The following PHEX variants were observed in gnomAD, a reference collection of about 807,000 sequenced individuals.
The protein encoded by PHEX is phosphate-regulating neutral endopeptidase PHEX.
In PHEX, 16 loss-of-function variants were observed where a neutral mutation model predicts 68.0. The ratio of observed to expected loss-of-function variants is 0.24; its 90% CI spans 0.16 to 0.36. The LOEUF (loss-of-function observed/expected upper bound fraction) is 0.36, where lower values mean the gene tolerates loss of function less well. Among genes scored for constraint, PHEX ranks in the 10% least tolerant of loss-of-function variants. The probability of loss-of-function intolerance (pLI) is 1.00; values close to 1 mark genes in which losing one functional copy is unlikely to be tolerated. For missense variants in PHEX, 480 were observed against 575.5 expected (o/e 0.83, Z 1.70); for synonymous variants, 208 against 205.1 (o/e 1.01, Z -0.12).
intron 2 of PHEX, among the ~76,000 whole-genome samples, chrX:22,038,957 C>A (rs1256357883): frequency 3.6e-5 from 4 of 111,847 alleles, no homozygotes; most frequent in African/African-American, 9.8e-5. Flanking sequence ...ATCCACGCTT[C>A]CATTGTCAGT....
chrX:22,145,159 C>T (rs1374579507), intron 12 of PHEX, among the ~76,000 whole-genome samples: 1 of 111,915 alleles, frequency 8.9e-6, no homozygotes, highest in East Asian at 2.8e-4. Flanking sequence ...CAGCCTGATC[C>T]TTTCATTTGA....
intron 12 of PHEX, among the ~76,000 whole-genome samples, chrX:22,142,957 AT>A (rs1249273314): frequency 3.6e-5 from 4 of 112,582 alleles, no homozygotes; most frequent in Non-Finnish European, 7.5e-5. Context: ...AGATTATATC[AT>A]TCTGTGAAAA....
intron 3 of PHEX, among the ~76,000 whole-genome samples, chrX:22,074,732 A>G (rs138845168): frequency 1.4e-4 from 16 of 110,493 alleles, no homozygotes; most frequent in African/African-American, 5.3e-4. Flanking sequence ...ATATGTGGAT[A>G]TGGCTTTAGA....
intron 18 of PHEX, among the ~76,000 whole-genome samples, chrX:22,223,132 C>A (rs1346185798): frequency 1.8e-5 from 2 of 112,077 alleles, no homozygotes; most frequent in Non-Finnish European, 3.8e-5. Flanking sequence ...AAAACAGCTT[C>A]AGTTTCATTC....
intron 12 of PHEX, among the ~76,000 whole-genome samples, chrX:22,145,841 A>G (rs985753312): frequency 1.7e-4 from 19 of 112,301 alleles, no homozygotes; most frequent in African/African-American, 2.9e-4. Flanking sequence ...ACTCTGACAT[A>G]TAGTTTATAC....
intron 15 of PHEX, 124 bp downstream of exon 15, chrX:22,190,626 G>A (rs1309446098): frequency 1.6e-5 from 9 of 562,461 alleles, no homozygotes; most frequent in Non-Finnish European, 2.5e-5. Context: ...GCTGGTGAAG[G>A]AAGGTTGTTC....
At chrX:22,200,157 CAGA>C (rs373200017) in intron 15 of PHEX, among the ~76,000 whole-genome samples, 2 of 112,206 alleles carry the variant, frequency 1.8e-5, no homozygotes, top group Admixed American at 9.4e-5. Context: ...GCTCATTTTA[CAGA>C]AGAAGAAACT....
intron 20 of PHEX, among the ~76,000 whole-genome samples, chrX:22,240,917 G>A (rs999474406): frequency 8.9e-6 from 1 of 111,752 alleles, no homozygotes; most frequent in Non-Finnish European, 1.9e-5. Flanking sequence ...TGGACCAAGT[G>A]GACCTAACAG....
intron 2 of PHEX, among the ~76,000 whole-genome samples, chrX:22,039,672 G>A (rs778928850): frequency 1.8e-5 from 2 of 112,091 alleles, no homozygotes; most frequent in Non-Finnish European, 3.8e-5. Flanking sequence ...GCTCAGAGCC[G>A]GTACTAGTTT....
At chrX:22,069,331 A>T (rs752418338) in intron 3 of PHEX, among the ~76,000 whole-genome samples, 1 of 112,318 alleles carries the variant, frequency 8.9e-6, no homozygotes, top group African/African-American at 3.2e-5. Context: ...TTGTAATGCT[A>T]TGCTATCAAA....
intron 9 of PHEX, among the ~76,000 whole-genome samples, chrX:22,107,227 C>G (rs1389075527): frequency 8.9e-6 from 1 of 112,163 alleles, no homozygotes; most frequent in Non-Finnish European, 1.9e-5. Context: ...GCCCCTGCTT[C>G]TCAAACCCCA....
At chrX:22,174,583 A>G (rs1289374517) in intron 13 of PHEX, among the ~76,000 whole-genome samples, 3 of 112,151 alleles carry the variant, frequency 2.7e-5, no homozygotes, top group African/African-American at 6.5e-5. Flanking sequence ...CCAAGAACAT[A>G]TCTGAATTTT....
At chrX:22,151,007 G>A (rs959884224) in intron 12 of PHEX, among the ~76,000 whole-genome samples, 2 of 111,843 alleles carry the variant, frequency 1.8e-5, no homozygotes, top group African/African-American at 3.3e-5. Flanking sequence ...AGAGGCAGAG[G>A]GTGGCTTCAG....
chrX:22,033,063 C>A lies in PHEX; in HGVS notation c.58C>A (p.Arg20=). The A allele has an allele frequency of 1.7e-6, 2 of 1,210,143 alleles. No homozygotes were observed. The highest frequency in any genetic ancestry group is 2.2e-6 in the Non-Finnish European group (2 of 894,647). Residue 20 remains arginine, a synonymous_variant, in exon 1 of 22, where the codon CGA becomes AGA. Transcript: ENST00000379374. The stretch of plus-strand genomic sequence containing the variant: ...TGGAAAGAAGGCCAACAGAGGCACT[C>A]GAATTGCCCTGGTCGTGTTTGTCGG... The part of the protein sequence containing the change: ...ETGKKANRGT[R]IALVVFVGGT...
chrX:22,097,374 G>A (rs187710883), intron 8 of PHEX, among the ~76,000 whole-genome samples: 1 of 112,323 alleles, frequency 8.9e-6, no homozygotes, highest in Admixed American at 9.4e-5. Context: ...ACTGTGTTTA[G>A]TGTGTTGGCT....
intron 9 of PHEX, among the ~76,000 whole-genome samples, chrX:22,110,038 A>T (rs898609195): frequency 8.9e-6 from 1 of 112,185 alleles, no homozygotes; most frequent in Admixed American, 9.5e-5. Context: ...TAGTAAGTAT[A>T]GAATGAGGGT....
At chrX:22,232,830 C>T (rs1253605450) in intron 20 of PHEX, among the ~76,000 whole-genome samples, 1 of 109,221 alleles carries the variant, frequency 9.2e-6, no homozygotes, top group East Asian at 2.9e-4. Flanking sequence ...TGAATTTGAT[C>T]CCGTCATTAT....
intron 16 of PHEX, among the ~76,000 whole-genome samples, chrX:22,217,341 G>A (rs1227407832): frequency 3.6e-5 from 4 of 112,087 alleles, no homozygotes; most frequent in Non-Finnish European, 7.5e-5. Context: ...AAAACAGTAG[G>A]AAGCATTTTT....
chrX:22,206,289 A>T (rs1934709389), intron 15 of PHEX, among the ~76,000 whole-genome samples: 1 of 111,856 alleles, frequency 8.9e-6, no homozygotes, highest in Admixed American at 9.6e-5. Context: ...AACAAGATGT[A>T]CTCATAATGA....
Sources: allele counts gnomAD v4.1 joint callset (sites outside exome capture counted in the v4.1 genomes callset), GRCh38; gene constraint gnomAD v4.1.1; transcripts MANE v1.5; gene names NCBI Gene and HGNC (gene_info 2026-07-23, HGNC 2026-07-21).